Variants in MAML3 observed in about 807,000 individuals in gnomAD.
The protein encoded by MAML3 is mastermind like transcriptional coactivator 3.
Under a neutral mutation model 101.9 loss-of-function variants are expected in MAML3, and 27 were observed. The observed-to-expected ratio is 0.27, with a 90% CI of 0.20 to 0.37. The LOEUF (loss-of-function observed/expected upper bound fraction) is 0.37, where lower values mean the gene tolerates loss of function less well. Ranked by LOEUF, MAML3 falls within the 10% of genes least tolerant of loss-of-function variation. MAML3 has a pLI of 1.00. For missense variants in MAML3, 1,316 were observed against 1,444.9 expected (o/e 0.91, Z 1.45); for synonymous variants, 501 against 555.9 (o/e 0.90, Z 1.39).
intron 1 of MAML3, among the ~76,000 whole-genome samples, chr4:139,938,545 T>C (rs181574695): frequency 2.2e-4 from 33 of 152,332 alleles, no homozygotes; most frequent in Non-Finnish European, 4.1e-4. Flanking sequence ...ATCATAATAG[T>C]GCCTGGGTGA....
chr4:139,931,835 C>T (rs951430321), intron 1 of MAML3, among the ~76,000 whole-genome samples: 4 of 150,240 alleles, frequency 2.7e-5, no homozygotes, highest in African/African-American at 4.9e-5. Flanking sequence ...CATGGTGAAA[C>T]GCCGTCTCTA....
At chr4:139,873,857 C>T (rs1485013299) in intron 2 of MAML3, among the ~76,000 whole-genome samples, 1 of 152,186 alleles carries the variant, frequency 6.6e-6, no homozygotes, top group Non-Finnish European at 1.5e-5. Context: ...TCCTGCATTC[C>T]CTTGAAAACC....
intron 2 of MAML3, among the ~76,000 whole-genome samples, chr4:139,733,420 T>C (rs952208554): frequency 1.3e-5 from 2 of 151,648 alleles, no homozygotes; most frequent in African/African-American, 4.9e-5. Flanking sequence ...TGGTAAGGAG[T>C]GAAGAAGTGT....
At chr4:140,099,239 A>T (rs1218986932) in intron 1 of MAML3, among the ~76,000 whole-genome samples, 1 of 151,686 alleles carries the variant, frequency 6.6e-6, no homozygotes, top group Non-Finnish European at 1.5e-5. Context: ...TCACACACAC[A>T]CACACACACA....
intron 1 of MAML3, among the ~76,000 whole-genome samples, chr4:139,918,698 C>T (rs1182327778): frequency 1.3e-5 from 2 of 152,180 alleles, no homozygotes; most frequent in African/African-American, 4.8e-5. Context: ...TGTCTGTCTC[C>T]AGTGTCTAGC....
At chr4:139,739,550 T>C (rs1033095314) in intron 2 of MAML3, among the ~76,000 whole-genome samples, 1 of 152,110 alleles carries the variant, frequency 6.6e-6, no homozygotes, top group Non-Finnish European at 1.5e-5. Flanking sequence ...AGAAGCTTGA[T>C]TAAATAAATT....
intron 4 of MAML3, among the ~76,000 whole-genome samples, chr4:139,722,910 T>C (rs963307205): frequency 6.6e-6 from 1 of 152,222 alleles, no homozygotes; most frequent in Non-Finnish European, 1.5e-5. Context: ...ACAAATTATA[T>C]ATCTCAAACC....
intron 1 of MAML3, among the ~76,000 whole-genome samples, chr4:140,054,261 C>T (rs932460063): frequency 3.3e-5 from 5 of 150,938 alleles, no homozygotes; most frequent in African/African-American, 4.9e-5. Context: ...CCCAGCTACC[C>T]GGGAGGCTGA....
intron 1 of MAML3, among the ~76,000 whole-genome samples, chr4:140,073,130 A>G (rs150221114): frequency 5.4e-4 from 82 of 151,254 alleles, no homozygotes; most frequent in African/African-American, 1.7e-3. Context: ...ACCAATTTAT[A>G]TCCATGTTTT....
At chr4:140,053,025 G>A (rs1371059983) in intron 1 of MAML3, among the ~76,000 whole-genome samples, 1 of 152,090 alleles carries the variant, frequency 6.6e-6, no homozygotes, top group East Asian at 1.9e-4. Context: ...CAGCACTTAT[G>A]AGGTATATAG....
chr4:139,935,222 T>C (rs962035999), intron 1 of MAML3, among the ~76,000 whole-genome samples: 5 of 151,758 alleles, frequency 3.3e-5, no homozygotes, highest in Admixed American at 1.3e-4. Flanking sequence ...TCTTTTTTTT[T>C]TTTTTTTCGG....
In MAML3 at chr4:139,735,830, C is replaced by T. The variant is rs1380656215; in HGVS notation, c.2080-5163G>A. 2.0e-5 allele frequency among the ~76,000 whole-genome samples: 3 copies of T among 151,916 alleles called. No homozygotes were observed. The highest frequency in any genetic ancestry group is 6.6e-5 in the Admixed American group (1 of 15,248). ...CAGGCGGCCCTAACAAAGAAGCCCA[C>T]GAGGCGGTCCCGGGCGCGGGCAGGG... On this transcript the variant is annotated intron_variant, in intron 2 of 4. Coordinates refer to ENST00000509479, the MANE Select transcript of MAML3 (RefSeq NM_018717.5). This position sits in a 1 kb window ranked among gnomAD's most constrained non-coding sequence, Gnocchi z 5.8.
intron 2 of MAML3, among the ~76,000 whole-genome samples, chr4:139,758,838 T>C (rs74817320): frequency 0.18 from 26,641 of 152,132 alleles, 2,362 homozygotes; most frequent in East Asian, 0.24. Flanking sequence ...CACCAGCCAC[T>C]GACAAATACA....
chr4:140,041,277 C>A (rs1189372200), intron 1 of MAML3, among the ~76,000 whole-genome samples: 1 of 151,956 alleles, frequency 6.6e-6, no homozygotes, highest in African/African-American at 2.4e-5. Flanking sequence ...CTAGCTCAGA[C>A]TTCATGGAGT....
chr4:139,933,963 C>T (rs1733454657), intron 1 of MAML3, among the ~76,000 whole-genome samples: 1 of 151,864 alleles, frequency 6.6e-6, no homozygotes, highest in Non-Finnish European at 1.5e-5. Flanking sequence ...ATGTGTATAT[C>T]TGTGAGTGTA....
At chr4:139,842,923 G>A (rs1188146680) in intron 2 of MAML3, among the ~76,000 whole-genome samples, 1 of 151,694 alleles carries the variant, frequency 6.6e-6, no homozygotes, top group Non-Finnish European at 1.5e-5. Context: ...AATTATAGGT[G>A]TGTGCCACCA....
intron 1 of MAML3, among the ~76,000 whole-genome samples, chr4:140,009,264 G>A (rs1445726258): frequency 3.3e-5 from 5 of 152,184 alleles, no homozygotes; most frequent in African/African-American, 1.2e-4. Context: ...TCAAATTTAC[G>A]AACCAACAAG....
rs541122931 is a variant in MAML3 at position 139,874,712 on chromosome 4, A to C, written c.2079+14645T>G. The stretch of plus-strand genomic sequence containing the variant: ...GTTTTTAATTTTAAAAACACAGTAC[A>C]TCCTATGGGTCTGATACTATTTTAA... On this transcript the variant is annotated intron_variant, in intron 2 of 4. Transcript: ENST00000509479. Among the ~76,000 whole-genome samples, 30 of 152,256 alleles carry C rather than the reference A, an allele frequency of 2.0e-4. 2 individuals carry two copies. The South Asian group carries it at 6.0e-3, about 31-fold the overall frequency.
At chr4:140,035,813 C>T (rs1431016660) in intron 1 of MAML3, among the ~76,000 whole-genome samples, 1 of 151,376 alleles carries the variant, frequency 6.6e-6, no homozygotes. Context: ...AAACAAAAAA[C>T]TAACATTAAT....
Sources: gnomAD v4.1 joint callset for allele counts (sites outside exome capture counted in the v4.1 genomes callset) on GRCh38, gnomAD v4.1.1 for gene constraint, Gnocchi (gnomAD v3.1) non-coding constraint, MANE v1.5 for transcripts, NCBI Gene and HGNC (gene_info 2026-07-23, HGNC 2026-07-21) for gene names.